LHCGR: variants seen among roughly 807,000 people sequenced by gnomAD.
LHCGR encodes the protein luteinizing hormone/choriogonadotropin receptor.
LHCGR carries 55 observed loss-of-function variants against 60.7 expected under a neutral mutation model. The observed-to-expected ratio is 0.91, with a 90% CI of 0.73 to 1.13. The LOEUF is 1.13. LHCGR is among the 50% of genes most tolerant of loss of function. LHCGR has a pLI of 0.00. For synonymous variants in LHCGR, 337 were observed against 316.5 expected (o/e 1.06, Z -0.69); for missense variants, 862 against 836.0 (o/e 1.03, Z -0.38).
intron 1 of LHCGR, among the ~76,000 whole-genome samples, chr2:48,743,920 G>T (rs1219074601): frequency 6.6e-6 from 1 of 151,330 alleles, no homozygotes; most frequent in Non-Finnish European, 1.5e-5. Flanking sequence ...GTTTGCAGAC[G>T]ACGTGATTGT....
intron 8 of LHCGR, among the ~76,000 whole-genome samples, chr2:48,706,961 G>A (rs975945034): frequency 1.4e-4 from 21 of 152,180 alleles, no homozygotes; most frequent in Admixed American, 5.2e-4. Flanking sequence ...TCCTTTGGAG[G>A]AGAAGCGATG....
chr2:48,754,794 A>AG (rs1446299732), intron 1 of LHCGR, among the ~76,000 whole-genome samples: 7 of 152,144 alleles, frequency 4.6e-5, no homozygotes. Context: ...CTAGTACTAA[A>AG]GGCTCCCCTT....
intron 6 of LHCGR, among the ~76,000 whole-genome samples, chr2:48,718,611 AT>A (rs145986703): frequency 0.12 from 18,573 of 151,402 alleles, 1,369 homozygotes; most frequent in Middle Eastern, 0.24. Flanking sequence ...TTTGTAAGCA[AT>A]TTTTTTTTTC....
intron 8 of LHCGR, among the ~76,000 whole-genome samples, chr2:48,708,486 G>T (rs1011883618): frequency 1.3e-5 from 2 of 151,810 alleles, no homozygotes; most frequent in Non-Finnish European, 2.9e-5. Flanking sequence ...AGTTTATTAG[G>T]GTGGGCTCTA....
intron 6 of LHCGR, among the ~76,000 whole-genome samples, chr2:48,716,854 C>T (rs1205103067): frequency 3.3e-5 from 5 of 152,276 alleles, no homozygotes; most frequent in South Asian, 4.2e-4. Context: ...AAACTTTCTC[C>T]TCCATCCACT....
intron 10 of LHCGR, 150 bp downstream of exon 10, chr2:48,694,074 A>G: frequency 1.6e-6 from 1 of 641,246 alleles, no homozygotes; most frequent in Non-Finnish European, 2.8e-6. Flanking sequence ...CCAATTGCAA[A>G]GAAAAAATTC....
intron 1 of LHCGR, chr2:48,733,282 C>G (rs1335225918): frequency 5.3e-6 from 1 of 187,132 alleles, no homozygotes; most frequent in South Asian, 1.1e-4. Context: ...GCTGAAGTCT[C>G]TCAGCAGGCA....
chr2:48,743,342 A>T (rs1353809767), intron 1 of LHCGR, among the ~76,000 whole-genome samples: 5 of 152,200 alleles, frequency 3.3e-5, no homozygotes, highest in Non-Finnish European at 7.3e-5. Flanking sequence ...AACTCATTTT[A>T]TGAGGCCAGC....
chr2:48,755,122 C>T (rs1400026133), intron 1 of LHCGR, among the ~76,000 whole-genome samples: 3 of 152,118 alleles, frequency 2.0e-5, no homozygotes, highest in South Asian at 4.2e-4. Context: ...CCTTCCCTGA[C>T]GTGGCTGGCC....
At chr2:48,725,133 A>G (rs1477265344) in intron 4 of LHCGR, among the ~76,000 whole-genome samples, 1 of 152,218 alleles carries the variant, frequency 6.6e-6, no homozygotes, top group Non-Finnish European at 1.5e-5. Context: ...CTCAATTTCT[A>G]ATGCTAACTG....
intron 8 of LHCGR, among the ~76,000 whole-genome samples, chr2:48,705,544 T>G (rs1301126428): frequency 6.6e-6 from 1 of 152,228 alleles, no homozygotes; most frequent in Non-Finnish European, 1.5e-5. Context: ...CGTAGTTCTC[T>G]AAGAACTGGC....
chr2:48,741,565 C>A (rs1468298708), intron 1 of LHCGR, among the ~76,000 whole-genome samples: 1 of 151,670 alleles, frequency 6.6e-6, no homozygotes, highest in Non-Finnish European at 1.5e-5. Context: ...GAATTTTCAA[C>A]CCAGAATTTC....
intron 7 of LHCGR, 51 bp from the exon 8 acceptor site, chr2:48,709,073 A>G (rs1376144522): frequency 1.4e-6 from 2 of 1,403,218 alleles, no homozygotes; most frequent in South Asian, 1.2e-5. Flanking sequence ...ATGTGTAAGC[A>G]TTCGTAGCTC....
intron 9 of LHCGR, among the ~76,000 whole-genome samples, chr2:48,697,028 A>C (rs1033104106): frequency 1.3e-5 from 2 of 152,166 alleles, no homozygotes; most frequent in Non-Finnish European, 2.9e-5. Context: ...AAAAGTCTTC[A>C]TGGCTCCCCA....
At chr2:48,729,281 G>T in intron 2 of LHCGR, 54 bp from the exon 3 acceptor site, 1 of 1,348,664 alleles carries the variant, frequency 7.4e-7, no homozygotes, top group South Asian at 1.2e-5. Flanking sequence ...AAATGACCGT[G>T]TCTGCATGAT....
chr2:48,730,713 T>C (rs1425340105), intron 2 of LHCGR, among the ~76,000 whole-genome samples: 3 of 152,348 alleles, frequency 2.0e-5, no homozygotes, highest in Non-Finnish European at 2.9e-5. Flanking sequence ...AAGTTATGTC[T>C]GACAAACATG....
chr2:48,723,655 G>C lies in LHCGR; in HGVS notation c.425C>G (p.Thr142Arg). The stretch of plus-strand genomic sequence containing the variant: ...ATTTGATTCAGAGGAGAAGACCTTC[G>C]TAACATCTGGAAACTTTCTGATGCC... ...NTGIRKFPDV[T>R]KVFSSESNFI... Residue 142 changes from threonine to arginine, a missense_variant, in exon 5 of 11, where the codon ACG becomes AGG. Thr to Arg is a moderately conservative substitution (Grantham distance 71, BLOSUM62 -1). Transcript: ENST00000294954. The C allele has an allele frequency of 1.2e-6, 2 of 1,613,898 alleles. No homozygotes were observed. Among genetic ancestry groups the C allele is most frequent in the Non-Finnish European group, 1.7e-6 (2 of 1,179,814 alleles).
At position 48,747,715 on chromosome 2, in the gene LHCGR, T is replaced by G. The variant is rs528886937; in HGVS notation, c.161+7796A>C. ...GCAGCTTTTGCTAAGATGCCAGATA[T>G]TCTCCTTACATCTTCACAGCATACT... is the stretch of plus-strand genomic sequence containing the variant. On this transcript the variant is annotated intron_variant, in intron 1 of 10. Transcript: ENST00000294954. 3.3e-5 allele frequency among the ~76,000 whole-genome samples: 5 copies of G among 152,188 alleles called. No homozygotes were observed. The South Asian group carries it at 1.0e-3, about 32-fold the overall frequency.
intron 8 of LHCGR, among the ~76,000 whole-genome samples, chr2:48,704,902 T>C (rs977941613): frequency 6.6e-6 from 1 of 152,372 alleles, no homozygotes; most frequent in African/African-American, 2.4e-5. Flanking sequence ...AGTTCTGCTC[T>C]GATCCTAGTT....
Sources: gnomAD v4.1 joint callset for allele counts (sites outside exome capture counted in the v4.1 genomes callset) on GRCh38, gnomAD v4.1.1 for gene constraint, MANE v1.5 for transcripts, NCBI Gene and HGNC (gene_info 2026-07-23, HGNC 2026-07-21) for gene names.